DPP10: variants seen among roughly 807,000 people sequenced by gnomAD.
DPP10 encodes the protein inactive dipeptidyl peptidase 10.
DPP10 carries 33 observed loss-of-function variants against 120.9 expected under a neutral mutation model. That is an observed-to-expected ratio of 0.27 (90% CI 0.21 to 0.37). The LOEUF is 0.37. Ranked by LOEUF, DPP10 falls within the 10% of genes least tolerant of loss-of-function variation. DPP10 has a pLI of 1.00. For missense variants in DPP10, 816 were observed against 942.8 expected (o/e 0.87, Z 1.76); for synonymous variants, 337 against 326.1 (o/e 1.03, Z -0.36).
intron 1 of DPP10, among the ~76,000 whole-genome samples, chr2:115,275,728 C>T: frequency 8.0e-6 from 1 of 124,766 alleles, no homozygotes; most frequent in Non-Finnish European, 1.6e-5. Context: ...GAGACGGAGT[C>T]TCGCTCTGTC....
chr2:115,804,967 G>C (rs1431113758), intron 19 of DPP10, among the ~76,000 whole-genome samples: 2 of 152,216 alleles, frequency 1.3e-5, no homozygotes, highest in Admixed American at 6.5e-5. Context: ...CTGTCAGACA[G>C]GGACATTTAA....
chr2:115,826,577 CG>C (rs1373162072), intron 21 of DPP10, among the ~76,000 whole-genome samples: 6 of 152,010 alleles, frequency 3.9e-5, no homozygotes, highest in Non-Finnish European at 5.9e-5. Flanking sequence ...AAAAATTAGC[CG>C]GGCATGATGG....
At chr2:115,241,506 A>G (rs1417397056) in intron 1 of DPP10, among the ~76,000 whole-genome samples, 2 of 152,174 alleles carry the variant, frequency 1.3e-5, no homozygotes, top group African/African-American at 4.8e-5. Flanking sequence ...TTATTCACAA[A>G]ATAATATATA....
chr2:114,558,583 C>T (rs929342383), intron 1 of DPP10, among the ~76,000 whole-genome samples: 6 of 152,292 alleles, frequency 3.9e-5, no homozygotes, highest in African/African-American at 1.2e-4. Context: ...GTGTCTCTTC[C>T]ATCAAACAAA....
At chr2:115,287,984 G>C (rs112917423) in intron 1 of DPP10, among the ~76,000 whole-genome samples, 36 of 152,138 alleles carry the variant, frequency 2.4e-4, no homozygotes, top group African/African-American at 8.4e-4. Context: ...AAAAATACAC[G>C]TGCAAGTGTC....
intron 7 of DPP10, among the ~76,000 whole-genome samples, chr2:115,711,652 G>C (rs1366328615): frequency 3.9e-5 from 6 of 152,074 alleles, no homozygotes; most frequent in Admixed American, 3.9e-4. Context: ...GATTTTGATT[G>C]AAACAAGGCA....
At chr2:115,090,122 G>C (rs544084811) in intron 1 of DPP10, among the ~76,000 whole-genome samples, 4 of 151,186 alleles carry the variant, frequency 2.6e-5, no homozygotes, top group South Asian at 2.1e-4. Context: ...CTTCTTGAGT[G>C]TCACATTTGT....
chr2:115,475,574 T>G (rs2075024249), intron 3 of DPP10, among the ~76,000 whole-genome samples: 1 of 152,110 alleles, frequency 6.6e-6, no homozygotes, highest in South Asian at 2.1e-4. Flanking sequence ...CTAGTGGAGC[T>G]GTGAGAAGAG....
intron 21 of DPP10, among the ~76,000 whole-genome samples, chr2:115,828,978 C>G (rs574357345): frequency 1.1e-4 from 17 of 152,098 alleles, no homozygotes; most frequent in Non-Finnish European, 1.9e-4. Context: ...ATAGCAGTCT[C>G]TGTTCACACT....
intron 3 of DPP10, among the ~76,000 whole-genome samples, chr2:115,378,663 C>G (rs1216334995): frequency 6.6e-6 from 1 of 151,688 alleles, no homozygotes; most frequent in African/African-American, 2.4e-5. Context: ...AGTTTTTGCC[C>G]ATTCAGTATG....
intron 1 of DPP10, among the ~76,000 whole-genome samples, chr2:114,510,514 G>A (rs1307378053): frequency 6.6e-6 from 1 of 152,194 alleles, no homozygotes; most frequent in Non-Finnish European, 1.5e-5. Context: ...TGAGGCAGGA[G>A]AATTGCTTGA....
In DPP10 at chr2:114,480,880, C is replaced by T. The variant is rs1680975881; in HGVS notation, c.60+38042C>T. 2.0e-5 allele frequency among the ~76,000 whole-genome samples: 3 copies of T among 149,964 alleles called. No homozygotes were observed. In the South Asian group the frequency reaches 6.3e-4, roughly 31 times the overall value. On this transcript the variant is annotated intron_variant, in intron 1 of 25. Coordinates refer to ENST00000410059, the MANE Select transcript of DPP10 (RefSeq NM_020868.6). ...AATAATAATAATAAAAAGTACACCC[C>T]CCAAAAAACAAAAAAAACAAAAAGT... is the stretch of plus-strand genomic sequence containing the variant.
intron 1 of DPP10, among the ~76,000 whole-genome samples, chr2:115,121,889 G>A (rs1031284693): frequency 6.6e-6 from 1 of 152,152 alleles, no homozygotes; most frequent in Non-Finnish European, 1.5e-5. Context: ...TTTTCTACCA[G>A]ATCATTTTTA....
rs568528908 is a variant in DPP10, at chr2:115,183,394, C to T, written c.61-125845C>T. Among the ~76,000 whole-genome samples, 10 of 152,268 alleles carry T rather than the reference C, an allele frequency of 6.6e-5. No individual in the cohort carries two copies. In the East Asian group the frequency reaches 9.7e-4, roughly 15 times the overall value. ...GTGCTTTGGGTTAAATGCCCCCCAG[C>T]GGTCATCCAATAGAACCTTTTTCTT... On this transcript the variant is annotated intron_variant, in intron 1 of 25. Coordinates refer to ENST00000410059, the MANE Select transcript of DPP10 (RefSeq NM_020868.6).
intron 1 of DPP10, among the ~76,000 whole-genome samples, chr2:114,978,637 T>G (rs1699896458): frequency 6.6e-6 from 1 of 152,144 alleles, no homozygotes; most frequent in South Asian, 2.1e-4. Context: ...TGGTGTCTTG[T>G]GATAATAATA....
At chr2:115,365,492 T>A (rs1338302007) in intron 3 of DPP10, among the ~76,000 whole-genome samples, 2 of 152,050 alleles carry the variant, frequency 1.3e-5, no homozygotes, top group East Asian at 3.9e-4. Flanking sequence ...ACATGCCATC[T>A]CTTCATAAGC....
At chr2:115,422,280 G>A (rs1346430146) in intron 3 of DPP10, among the ~76,000 whole-genome samples, 1 of 152,160 alleles carries the variant, frequency 6.6e-6, no homozygotes, top group Non-Finnish European at 1.5e-5. Context: ...GAACTCTGGA[G>A]TTTGAATTAG....
chr2:115,147,037 G>C (rs978837824), intron 1 of DPP10, among the ~76,000 whole-genome samples: 1 of 152,014 alleles, frequency 6.6e-6, no homozygotes, highest in Non-Finnish European at 1.5e-5. Context: ...ATTGAACAAA[G>C]ATCATACCAA....
intron 1 of DPP10, among the ~76,000 whole-genome samples, chr2:115,032,317 C>T (rs1703897940): frequency 6.6e-6 from 1 of 151,886 alleles, no homozygotes; most frequent in South Asian, 2.1e-4. Flanking sequence ...AGTAAAAAAC[C>T]TGAAATTTTA....
Sources: gnomAD v4.1 joint callset for allele counts (sites outside exome capture counted in the v4.1 genomes callset) on GRCh38, gnomAD v4.1.1 for gene constraint, MANE v1.5 for transcripts, NCBI Gene and HGNC (gene_info 2026-07-23, HGNC 2026-07-21) for gene names.